The following LDLRAD3 variants were observed in gnomAD, a reference collection of about 807,000 sequenced individuals.
The protein encoded by LDLRAD3 is low density lipoprotein receptor class A domain containing 3.
LDLRAD3 carries 20 observed loss-of-function variants against 29.4 expected under a neutral mutation model. That is an observed-to-expected ratio of 0.68 (90% CI 0.48 to 0.99). The LOEUF (loss-of-function observed/expected upper bound fraction) is 0.99. Ranked by LOEUF, LDLRAD3 falls within the 50% of genes least tolerant of loss-of-function variation. The probability of loss-of-function intolerance (pLI) is 0.00; values close to 1 mark genes in which losing one functional copy is unlikely to be tolerated. For missense variants in LDLRAD3, 420 were observed against 454.3 expected, an observed-to-expected ratio of 0.92 and a Z score of 0.69; for synonymous variants, 157 against 192.7, an observed-to-expected ratio of 0.81 and a Z score of 1.53.
chr11:36,196,056 C>T (rs1209699769), intron 4 of LDLRAD3, among the ~76,000 whole-genome samples: 1 of 151,564 alleles, frequency 6.6e-6, no homozygotes, highest in Admixed American at 6.6e-5. Context: ...ATACCCCATC[C>T]AAAAAGCTGG....
chr11:36,098,510 G>T, intron 4 of LDLRAD3, 49 bp downstream of exon 4: 1 of 1,604,416 alleles, frequency 6.2e-7, no homozygotes, highest in Non-Finnish European at 8.5e-7. Context: ...CAACACTGCA[G>T]TAATGGAACA....
At chr11:36,203,563 T>C (rs1855158394) in intron 4 of LDLRAD3, among the ~76,000 whole-genome samples, 1 of 152,196 alleles carries the variant, frequency 6.6e-6, no homozygotes, top group Non-Finnish European at 1.5e-5. Flanking sequence ...TCTTTAATTT[T>C]GCTCACTGGT....
At chr11:36,170,976 A>G (rs1160082684) in intron 4 of LDLRAD3, among the ~76,000 whole-genome samples, 2 of 151,818 alleles carry the variant, frequency 1.3e-5, no homozygotes, top group African/African-American at 2.4e-5. Flanking sequence ...TAATTTTTGT[A>G]TTTTTAGTAG....
At chr11:35,997,328 C>A in intron 1 of LDLRAD3, 1 of 447,604 alleles carries the variant, frequency 2.2e-6, no homozygotes, top group South Asian at 1.8e-5. Context: ...AGATCAGTGC[C>A]ACATCTGTGA....
intron 1 of LDLRAD3, among the ~76,000 whole-genome samples, chr11:35,986,017 A>G (rs978476173): frequency 6.9e-6 from 1 of 144,932 alleles, no homozygotes; most frequent in Non-Finnish European, 1.5e-5. Context: ...TGGACAGATG[A>G]GTATTTGACG....
intron 4 of LDLRAD3, among the ~76,000 whole-genome samples, chr11:36,143,238 C>G (rs539328373): frequency 1.3e-5 from 2 of 152,202 alleles, no homozygotes; most frequent in Admixed American, 6.5e-5. Flanking sequence ...CCAGGCACAA[C>G]GCGCTGTCTC....
intron 2 of LDLRAD3, among the ~76,000 whole-genome samples, chr11:36,040,908 T>C (rs1375400390): frequency 6.6e-6 from 1 of 152,220 alleles, no homozygotes; most frequent in East Asian, 1.9e-4. Context: ...TAAAAAAAAT[T>C]ATCTAGCTAG....
At chr11:36,062,378 T>C (rs777078054) in intron 2 of LDLRAD3, among the ~76,000 whole-genome samples, 2 of 152,170 alleles carry the variant, frequency 1.3e-5, no homozygotes, top group Non-Finnish European at 2.9e-5. Flanking sequence ...TTTCTTTTTG[T>C]TACTGAAACA....
intron 1 of LDLRAD3, among the ~76,000 whole-genome samples, chr11:35,945,507 G>A (rs968174841): frequency 2.6e-5 from 4 of 152,218 alleles, no homozygotes; most frequent in Non-Finnish European, 5.9e-5. Flanking sequence ...GGGTGAGAGT[G>A]CCCTTAAATT....
At chr11:36,190,088 AG>A (rs1042002286) in intron 4 of LDLRAD3, among the ~76,000 whole-genome samples, 1 of 151,550 alleles carries the variant, frequency 6.6e-6, no homozygotes, top group Non-Finnish European at 1.5e-5. Context: ...GGGGAGGAGG[AG>A]GAGAAAGAGG....
intron 1 of LDLRAD3, among the ~76,000 whole-genome samples, chr11:36,029,578 T>C (rs1267709715): frequency 6.6e-6 from 1 of 152,196 alleles, no homozygotes; most frequent in African/African-American, 2.4e-5. Flanking sequence ...TGAAATGCAC[T>C]GAAGCATAAC....
chr11:36,186,388 T>A (rs1487905137), intron 4 of LDLRAD3, among the ~76,000 whole-genome samples: 1 of 152,190 alleles, frequency 6.6e-6, no homozygotes, highest in Non-Finnish European at 1.5e-5. Flanking sequence ...AAAATAGTCT[T>A]CTCTTGCAGT....
intron 1 of LDLRAD3, among the ~76,000 whole-genome samples, chr11:36,021,573 C>G (rs1403020206): frequency 2.0e-5 from 3 of 152,196 alleles, no homozygotes; most frequent in African/African-American, 7.2e-5. Context: ...AAGACAGATT[C>G]AGGAGAGAGT....
chr11:36,164,100 T>C (rs954999544), intron 4 of LDLRAD3, among the ~76,000 whole-genome samples: 1 of 152,200 alleles, frequency 6.6e-6, no homozygotes, highest in East Asian at 1.9e-4. Flanking sequence ...ACCACTGCCC[T>C]GGGTGATCCT....
intron 1 of LDLRAD3, among the ~76,000 whole-genome samples, chr11:36,020,618 C>G (rs952964951): frequency 6.6e-6 from 1 of 152,026 alleles, no homozygotes; most frequent in African/African-American, 2.4e-5. Context: ...AGAAAGGCAC[C>G]CAACAGAAAT....
At chr11:36,091,273 G>T (rs1263160128) in intron 3 of LDLRAD3, among the ~76,000 whole-genome samples, 2 of 152,184 alleles carry the variant, frequency 1.3e-5, no homozygotes, top group South Asian at 4.1e-4. Context: ...GACCCTTTGA[G>T]GTAGGAGAGG....
At chr11:36,039,469 C>T (rs1331653321) in intron 2 of LDLRAD3, among the ~76,000 whole-genome samples, 4 of 148,904 alleles carry the variant, frequency 2.7e-5, no homozygotes, top group Admixed American at 6.6e-5. Flanking sequence ...ATTTCCTCCT[C>T]TCCAAAATGG....
chr11:36,033,083 G>C (rs972923987), intron 1 of LDLRAD3, among the ~76,000 whole-genome samples: 1 of 152,012 alleles, frequency 6.6e-6, no homozygotes, highest in African/African-American at 2.4e-5. Context: ...CATGTTGGTA[G>C]GCTGGTCTCA....
At chr11:36,160,749 A>G (rs1854426961) in intron 4 of LDLRAD3, among the ~76,000 whole-genome samples, 1 of 151,820 alleles carries the variant, frequency 6.6e-6, no homozygotes. Flanking sequence ...GACCAGCTCA[A>G]AGTCACACAA....
Sources: allele counts gnomAD v4.1 joint callset (sites outside exome capture counted in the v4.1 genomes callset), GRCh38; gene constraint gnomAD v4.1.1; transcripts MANE v1.5; gene names NCBI Gene and HGNC (gene_info 2026-07-23, HGNC 2026-07-21).